ODAD3: variants seen among roughly 807,000 people sequenced by gnomAD.
ODAD3 encodes the protein outer dynein arm-docking complex subunit 3.
Under a neutral mutation model 70.9 loss-of-function variants are expected in ODAD3, and 57 were observed. That is an observed-to-expected ratio of 0.80 (90% CI 0.65 to 1.00). The LOEUF (loss-of-function observed/expected upper bound fraction) is 1.00, where lower values mean the gene tolerates loss of function less well. ODAD3 is among the 50% of genes least tolerant of loss of function. The pLI, the probability that ODAD3 is intolerant of heterozygous loss-of-function variation, is 0.00. For synonymous variants in ODAD3, 327 were observed against 315.9 expected, an observed-to-expected ratio of 1.04 and a Z score of -0.37; for missense variants, 797 against 763.9, an observed-to-expected ratio of 1.04 and a Z score of -0.51.
rs61739927 is a variant in ODAD3, at chr19:11,430,719, G to C, written c.424C>G (p.Leu142Val). 8.5e-3 allele frequency: 13,716 copies of C among 1,614,046 alleles called. 90 individuals are homozygous for C. The highest frequency in any genetic ancestry group is 0.024 in the African/African-American group (1,810 of 75,002). The change falls in exon 3 of 13, where the codon CTG becomes GTG. Residue 142 changes from leucine (L) to valine (V), a missense_variant. By Grantham distance (32) the Leu-to-Val change is conservative. Transcript: ENST00000356392. Reference protein sequence around the residue: ...IREWKWEKPYLKNRTGQALEH... With the variant: ...IREWKWEKPYVKNRTGQALEH... ...CAAACCTGTCCTGTCCTGTTCTTCA[G>C]GTATGGCTTCTCCCACTTCCATTCG... is the stretch of plus-strand genomic sequence containing the variant.
rs1331402532 is a variant in ODAD3, at chr19:11,424,503, A to G, written c.964-474T>C. Among the ~76,000 whole-genome samples, 2 of 141,144 alleles carry G rather than the reference A, an allele frequency of 1.4e-5. 1 individual carries two copies. Among genetic ancestry groups the G allele is most frequent in the African/African-American group, 5.9e-5 (2 of 34,052 alleles). The allele number at this position is 141,144 out of a possible 152,430, so 92.6% of individuals were successfully genotyped here. A position where few individuals can be genotyped will look rare whatever the true frequency, so the allele number is the denominator to read the frequency against. On this transcript the variant is annotated intron_variant, in intron 7 of 12. Coordinates refer to ENST00000356392, the MANE Select transcript of ODAD3 (RefSeq NM_145045.5). The stretch of plus-strand genomic sequence containing the variant: ...GTCTCAAAAAAAAATCCATATATAT[A>G]TGTATATATGTATATATATGTATAT...
chr19:11,434,034 T>C (rs1023887694), intron 1 of ODAD3, among the ~76,000 whole-genome samples: 1 of 151,722 alleles, frequency 6.6e-6, no homozygotes, highest in Non-Finnish European at 1.5e-5. Context: ...CTGGCCAACA[T>C]GGTGAAACCC....
chr19:11,435,277 G>T, upstream of ODAD3: 2 of 1,185,282 alleles, frequency 1.7e-6, no homozygotes, highest in Non-Finnish European at 2.3e-6. Context: ...GGTCCCAACA[G>T]TGGGCGGGGT....
rs935069372 is a variant in ODAD3 at position 11,426,993 on chromosome 19, C to G, written c.492G>C (p.Gln164His). The change falls in exon 4 of 13, where the codon CAG (glutamine) becomes CAC (histidine). Residue 164 changes from glutamine to histidine, a missense_variant. Gln to His is a conservative substitution (Grantham distance 24). Coordinates refer to ENST00000356392, the MANE Select transcript of ODAD3 (RefSeq NM_145045.5). ...DHRLREKVKQ[Q>H]NALRHQVVLR... ...ACACCACCTGGTGCCGCAGGGCGTTCTGCTGCTTCACCTTCTCCCTCAGCC... is the reference window on the plus strand; with the variant it reads ...ACACCACCTGGTGCCGCAGGGCGTTGTGCTGCTTCACCTTCTCCCTCAGCC... 4 of 1,604,832 alleles carry G rather than the reference C, an allele frequency of 2.5e-6. No homozygotes were observed. Among genetic ancestry groups the G allele is most frequent in the Non-Finnish European group, 3.4e-6 (4 of 1,179,316 alleles).
chr19:11,430,617 T>A, intron 3 of ODAD3, 82 bp downstream of exon 3: 1 of 1,278,372 alleles, frequency 7.8e-7, no homozygotes, highest in Non-Finnish European at 1.1e-6. Flanking sequence ...GCAGGAAGGA[T>A]TGGAGAGGGT....
At chr19:11,429,174 C>T (rs1346334988) in intron 3 of ODAD3, among the ~76,000 whole-genome samples, 3 of 151,680 alleles carry the variant, frequency 2.0e-5, no homozygotes, top group Non-Finnish European at 4.4e-5. Context: ...CCACCGCGCC[C>T]GGCCTTTAAT....
intron 7 of ODAD3, among the ~76,000 whole-genome samples, chr19:11,425,450 CATATAT>C (rs1381864820): frequency 2.0e-5 from 2 of 102,042 alleles, no homozygotes; most frequent in African/African-American, 8.8e-5. Flanking sequence ...TGTATATATA[CATATAT>C]GTGTGTGTAT....
At position 11,422,348 on chromosome 19, in the gene ODAD3, G is replaced by T. The variant is rs959055899; in HGVS notation, c.1434+123C>A. On this transcript the variant is annotated intron_variant, in intron 10 of 12. Transcript: ENST00000356392. This position sits in a 1 kb window ranked among gnomAD's most constrained non-coding sequence, Gnocchi z 4.6. ...CCTGTGGGCGGGGCCTCTGACGTCC[G>T]GGACAGAGGATGTGGCAGGCCACGT... 1.6e-6 allele frequency: 2 copies of T among 1,237,016 alleles called. No homozygotes were observed. The highest frequency in any genetic ancestry group is 5.8e-5 in the Admixed American group (2 of 34,280). 76.6% of individuals were successfully genotyped at this position (1,237,016 alleles called of 1,614,324 possible).
Position 11,422,752 on chromosome 19 carries a change from A to C in ODAD3, c.1226T>G (p.Leu409Arg). ...LVRLKQEKQQ[L>R]QRELEDLKYS... Reference sequence around the variant, plus strand: ...CTTGAGGTCTTCCAGCTCCCGCTGCAGTTGTTGCTTCTCCTGCTTCAGCCT... The same window carrying C: ...CTTGAGGTCTTCCAGCTCCCGCTGCCGTTGTTGCTTCTCCTGCTTCAGCCT... The change falls in exon 9 of 13, where the codon CTG becomes CGG. Residue 409 changes from leucine (L) to arginine (R), a missense_variant. Leu to Arg is a moderately radical substitution (Grantham distance 102). Coordinates refer to ENST00000356392, the MANE Select transcript of ODAD3 (RefSeq NM_145045.5). The surrounding 1 kb of genome is among the most constrained non-coding windows in gnomAD (Gnocchi z 4.6). 2 of 1,612,364 alleles carry C rather than the reference A, an allele frequency of 1.2e-6. No individual in the cohort carries two copies. Among genetic ancestry groups the C allele is most frequent in the Non-Finnish European group, 1.7e-6 (2 of 1,179,886 alleles).
chr19:11,426,163 T>C lies in ODAD3; in HGVS notation c.944A>G (p.Asn315Ser). Reference sequence around the variant, plus strand: ...GCCCACCTTGCGCTCCATGCGCTCGTTCTCCAGTTTCTTCTCCTCGGCGCG... The same window carrying C: ...GCCCACCTTGCGCTCCATGCGCTCGCTCTCCAGTTTCTTCTCCTCGGCGCG... ...KKRAEEKKLE[N>S]ERMERKTHRE... is the part of the protein sequence containing the mutation. The change falls in exon 7 of 13, where the codon AAC (asparagine) becomes AGC (serine). Residue 315 changes from asparagine (N) to serine (S), a missense_variant. Physicochemically the swap from Asn to Ser is conservative, Grantham distance 46. Coordinates refer to ENST00000356392, the MANE Select transcript of ODAD3 (RefSeq NM_145045.5). 6.2e-7 allele frequency: 1 copy of C among 1,611,746 alleles called. No individual in the cohort carries two copies. Among genetic ancestry groups the C allele is most frequent in the East Asian group, 2.2e-5 (1 of 44,842 alleles).
At chr19:11,431,878 G>C (rs978120256) in intron 1 of ODAD3, among the ~76,000 whole-genome samples, 5 of 149,556 alleles carry the variant, frequency 3.3e-5, no homozygotes, top group African/African-American at 1.2e-4. Context: ...GGGAGGCAGA[G>C]CTTGCAGTGA....
intron 6 of ODAD3, 69 bp downstream of exon 6, chr19:11,426,377 G>T: frequency 1.9e-6 from 3 of 1,610,774 alleles, no homozygotes; most frequent in Non-Finnish European, 2.5e-6. Context: ...AGGGACAGCT[G>T]AGGTCAGATT....
At chr19:11,435,742 T>C, upstream of ODAD3, 1 of 1,350,872 alleles carries the variant, frequency 7.4e-7, no homozygotes, top group South Asian at 1.2e-5. Context: ...GGCACCTCAG[T>C]TTCTTACAGG....
At chr19:11,421,021 C>T in intron 12 of ODAD3, 74 bp from the exon 13 acceptor site, 1 of 1,571,164 alleles carries the variant, frequency 6.4e-7, no homozygotes, top group African/African-American at 1.3e-5. Flanking sequence ...CTTCCCTTTA[C>T]CACCCCACTC....
At position 11,435,042 on chromosome 19, in the gene ODAD3, AG is replaced by A. The variant is rs778105368; in HGVS notation, c.-27del. On this transcript the variant is annotated 5_prime_UTR_variant, in exon 1 of 13. Transcript: ENST00000356392. Reference sequence around the variant, plus strand: ...GATGGGGTTGGGGCTGAAGGCCCCTAGGGGTTAGGGGGATAACTAGGAGTCA... The same window carrying A: ...GATGGGGTTGGGGCTGAAGGCCCCTAGGGTTAGGGGGATAACTAGGAGTCA... 2 of 1,578,754 alleles carry A rather than the reference AG, an allele frequency of 1.3e-6. No individual in the cohort carries two copies. The highest frequency in any genetic ancestry group is 1.4e-5 in the African/African-American group (1 of 73,942).
intron 1 of ODAD3, among the ~76,000 whole-genome samples, chr19:11,433,443 C>T (rs997999185): frequency 1.5e-4 from 23 of 152,254 alleles, no homozygotes; most frequent in African/African-American, 4.8e-4. Flanking sequence ...TGGTTTACAC[C>T]TTATGGTACT....
rs1299882319 is a variant in ODAD3, at chr19:11,426,493, G to A, written c.793C>T (p.Leu265=). ...AGGGCCTCTTGGTTCACCACGTGCA[G>A]TGCCTCCAGCTCATGTTTGGTCCTC... ...VVRTKHELEA[L]HVVNQEALNA... The change falls in exon 6 of 13, where the codon CTG becomes TTG. Residue 265 remains leucine (L), a synonymous_variant. Coordinates refer to ENST00000356392, the MANE Select transcript of ODAD3 (RefSeq NM_145045.5). 5 of 1,614,078 alleles carry A rather than the reference G, an allele frequency of 3.1e-6. No homozygotes were observed. In the East Asian group the frequency reaches 1.1e-4, roughly 36 times the overall value.
upstream of ODAD3, chr19:11,435,214 C>T (rs1969646284): frequency 1.4e-6 from 2 of 1,418,202 alleles, no homozygotes; most frequent in Non-Finnish European, 1.8e-6. Flanking sequence ...GGAGATCACC[C>T]GCGTTCCGTG....
chr19:11,423,886 G>A lies in ODAD3; in HGVS notation c.1107C>T (p.Asp369=), dbSNP rs751506622. The change falls in exon 8 of 13, where the codon GAC becomes GAT. Residue 369 remains aspartate, a synonymous_variant. Coordinates refer to ENST00000356392, the MANE Select transcript of ODAD3 (RefSeq NM_145045.5). The part of the protein sequence containing the change: ...FGKVKDATGT[D]ETHSLVRRFL... ...TGCGGGCAGAACTCACGTGCGTCTC[G>A]TCAGTGCCAGTGGCGTCCTTGACCT... 3 of 1,611,068 alleles carry A rather than the reference G, an allele frequency of 1.9e-6. No individual in the cohort carries two copies. Among genetic ancestry groups the A allele is most frequent in the Non-Finnish European group, 2.5e-6 (3 of 1,179,186 alleles).
Sources: allele counts gnomAD v4.1 joint callset (sites outside exome capture counted in the v4.1 genomes callset), GRCh38; gene constraint gnomAD v4.1.1; non-coding constraint Gnocchi (gnomAD v3.1); transcripts MANE v1.5; gene names NCBI Gene and HGNC (gene_info 2026-07-23, HGNC 2026-07-21).